Variants in PCDH9 observed in about 807,000 individuals in gnomAD.
PCDH9 encodes protocadherin-9.
PCDH9 carries 24 observed loss-of-function variants against 70.6 expected under a neutral mutation model. The ratio of observed to expected loss-of-function variants is 0.34; its 90% CI spans 0.25 to 0.48. The LOEUF is 0.48. Among genes scored for constraint, PCDH9 ranks in the 20% least tolerant of loss-of-function variants. The pLI is 0.99. For missense variants in PCDH9, 1,281 were observed against 1,503.6 expected (o/e 0.85, Z 2.45); for synonymous variants, 562 against 558.5 (o/e 1.01, Z -0.09).
chr13:66,435,105 A>G (rs1012797464), intron 4 of PCDH9, among the ~76,000 whole-genome samples: 1 of 152,112 alleles, frequency 6.6e-6, no homozygotes, highest in African/African-American at 2.4e-5. Context: ...GAAACTGCTC[A>G]CTCTTTAATA....
Position 67,003,978 on chromosome 13 carries a change from C to T in PCDH9, c.3037-100373G>A, listed in dbSNP as rs2084297368. On this transcript the variant is annotated intron_variant, in intron 2 of 4. Transcript: ENST00000377865. The stretch of plus-strand genomic sequence containing the variant: ...GGAAATGTAACAGACCTGACCGAGC[C>T]TCTGATAAATCTTCTCTATAGTCCC... Among the ~76,000 whole-genome samples the T allele has an allele frequency of 1.3e-5, 2 of 152,082 alleles. 1 individual carries two copies. Among genetic ancestry groups the T allele is most frequent in the East Asian group, 3.9e-4 (2 of 5,184 alleles).
chr13:66,623,964 A>G (rs892989077), intron 4 of PCDH9, among the ~76,000 whole-genome samples: 1 of 152,242 alleles, frequency 6.6e-6, no homozygotes, highest in African/African-American at 2.4e-5. Context: ...GTCTAGATAA[A>G]GTCAGAGGCA....
intron 4 of PCDH9, among the ~76,000 whole-genome samples, chr13:66,352,663 T>C (rs991142611): frequency 1.3e-5 from 2 of 152,110 alleles, no homozygotes; most frequent in Admixed American, 6.6e-5. Context: ...ATTACATCCT[T>C]AGAGGCCCCA....
intron 4 of PCDH9, among the ~76,000 whole-genome samples, chr13:66,325,921 G>T (rs147048221): frequency 6.6e-6 from 1 of 152,242 alleles, no homozygotes; most frequent in African/African-American, 2.4e-5. Context: ...AAGTAAAATT[G>T]TCAGATCATT....
At chr13:66,928,072 C>T (rs2082744770) in intron 2 of PCDH9, among the ~76,000 whole-genome samples, 5 of 152,058 alleles carry the variant, frequency 3.3e-5, no homozygotes, top group Admixed American at 3.3e-4. Context: ...TAACATATTT[C>T]CTCTCTCTGA....
At position 66,533,678 on chromosome 13, in the gene PCDH9, AC is replaced by A. The variant is rs527310429; in HGVS notation, c.3340+97531del. Among the ~76,000 whole-genome samples the A allele has an allele frequency of 1.2e-4, 19 of 152,286 alleles. No individual in the cohort carries two copies. The East Asian group carries it at 3.5e-3, about 28-fold the overall frequency. On this transcript the variant is annotated intron_variant, in intron 4 of 4. Transcript: ENST00000377865. ...AAACCATTGTTAAATAAGAAAACAT[AC>A]TTGCAAACAGTATGTTGAGCTTGAT... is the stretch of plus-strand genomic sequence containing the variant.
At chr13:66,614,733 T>G (rs1216767121) in intron 4 of PCDH9, among the ~76,000 whole-genome samples, 1 of 152,194 alleles carries the variant, frequency 6.6e-6, no homozygotes, top group Admixed American at 6.5e-5. Flanking sequence ...TGAACATAAA[T>G]TTTATTTCCT....
intron 2 of PCDH9, among the ~76,000 whole-genome samples, chr13:66,988,398 G>T: frequency 6.6e-6 from 1 of 151,948 alleles, no homozygotes; most frequent in East Asian, 1.9e-4. Context: ...TAAGGAAAAT[G>T]GAAACAACAG....
intron 2 of PCDH9, among the ~76,000 whole-genome samples, chr13:67,144,973 C>T (rs1288492633): frequency 1.3e-5 from 2 of 152,124 alleles, no homozygotes; most frequent in African/African-American, 4.8e-5. Context: ...CATTAAACCA[C>T]TCAAATTGTT....
chr13:66,940,875 G>T (rs2082996781), intron 2 of PCDH9, among the ~76,000 whole-genome samples: 1 of 151,884 alleles, frequency 6.6e-6, no homozygotes, highest in African/African-American at 2.4e-5. Context: ...AATATTATCT[G>T]CTGCTGTGGA....
rs1202799585 is a variant in PCDH9, at chr13:66,645,495, A to C, written c.3139-14084T>G. Among the ~76,000 whole-genome samples the C allele has an allele frequency of 2.6e-5, 4 of 152,172 alleles. No homozygotes were observed. The East Asian group carries it at 7.7e-4, about 29-fold the overall frequency. On this transcript the variant is annotated intron_variant, in intron 3 of 4. Transcript: ENST00000377865. ...TGCGAGAGACATTCATATTAAAAAA[A>C]TAGAGTACAAGAGAAAGTAGCTAAA...
intron 2 of PCDH9, among the ~76,000 whole-genome samples, chr13:66,918,089 T>C (rs1351747025): frequency 6.6e-6 from 1 of 151,192 alleles, no homozygotes; most frequent in Non-Finnish European, 1.5e-5. Context: ...TCTCAGTTGG[T>C]GATTGAGATG....
intron 2 of PCDH9, among the ~76,000 whole-genome samples, chr13:67,119,598 T>G (rs2086840416): frequency 6.6e-6 from 1 of 152,128 alleles, no homozygotes; most frequent in Non-Finnish European, 1.5e-5. Flanking sequence ...TCAGGATGTA[T>G]GTGTGACTTA....
At chr13:66,689,709 C>T (rs1022206055) in intron 3 of PCDH9, among the ~76,000 whole-genome samples, 13 of 152,186 alleles carry the variant, frequency 8.5e-5, no homozygotes, top group African/African-American at 4.8e-5. Flanking sequence ...AAGGTATCTT[C>T]GGGTGTTGAC....
At chr13:66,487,092 T>A (rs576337321) in intron 4 of PCDH9, among the ~76,000 whole-genome samples, 1 of 152,362 alleles carries the variant, frequency 6.6e-6, no homozygotes, top group South Asian at 2.1e-4. Flanking sequence ...CCATACGATC[T>A]CTTTGATAGT....
intron 3 of PCDH9, among the ~76,000 whole-genome samples, chr13:66,866,789 T>C (rs2081584399): frequency 6.6e-6 from 1 of 152,196 alleles, no homozygotes; most frequent in African/African-American, 2.4e-5. Context: ...AGAGCGAGAT[T>C]CTGTCTCAAT....
At chr13:67,159,795 A>C (rs2087907801) in intron 2 of PCDH9, among the ~76,000 whole-genome samples, 1 of 152,228 alleles carries the variant, frequency 6.6e-6, no homozygotes, top group South Asian at 2.1e-4. Context: ...CTGACATTGA[A>C]AACAATGTAG....
intron 2 of PCDH9, among the ~76,000 whole-genome samples, chr13:66,976,924 G>A (rs976172009): frequency 6.6e-6 from 1 of 151,964 alleles, no homozygotes; most frequent in African/African-American, 2.4e-5. Context: ...ATAAAATCAG[G>A]CTTCTGAAAT....
chr13:66,768,134 A>G (rs889379563), intron 3 of PCDH9, among the ~76,000 whole-genome samples: 1 of 152,038 alleles, frequency 6.6e-6, no homozygotes, highest in African/African-American at 2.4e-5. Flanking sequence ...TGGTATCTGT[A>G]TGTGGTTTTT....
Sources: gnomAD v4.1 joint callset for allele counts (sites outside exome capture counted in the v4.1 genomes callset) on GRCh38, gnomAD v4.1.1 for gene constraint, MANE v1.5 for transcripts, NCBI Gene and HGNC (gene_info 2026-07-23, HGNC 2026-07-21) for gene names.